The following FYN variants were observed in gnomAD, a reference collection of about 807,000 sequenced individuals.
FYN encodes tyrosine-protein kinase Fyn.
A neutral mutation model predicts 70.2 loss-of-function variants in FYN; 10 were observed. The observed-to-expected ratio is 0.14, with a 90% CI of 0.09 to 0.24. FYN has a LOEUF of 0.24. FYN is among the 10% of genes least tolerant of loss of function. The pLI is 1.00. For missense variants in FYN, 319 were observed against 673.1 expected (o/e 0.47, Z 5.82); for synonymous variants, 236 against 248.6 (o/e 0.95, Z 0.48).
At chr6:111,718,456 T>G (rs1298035979) in intron 4 of FYN, among the ~76,000 whole-genome samples, 1 of 152,178 alleles carries the variant, frequency 6.6e-6, no homozygotes, top group Non-Finnish European at 1.5e-5. Flanking sequence ...TCAACACAAG[T>G]GGCCCTCTCT....
intron 3 of FYN, among the ~76,000 whole-genome samples, chr6:111,773,323 GGAGGGA>G: frequency 1.2e-5 from 1 of 85,328 alleles, no homozygotes; most frequent in South Asian, 5.8e-4. Context: ...GAGGGGAGGG[GGAGGGA>G]GAGGGAAAGG....
intron 1 of FYN, among the ~76,000 whole-genome samples, chr6:111,856,741 C>T (rs867190735): frequency 2.6e-5 from 4 of 151,878 alleles, no homozygotes; most frequent in East Asian, 3.8e-4. Flanking sequence ...TTGGCTCCCC[C>T]CCGACACACA....
chr6:111,829,131 G>A (rs1009561190), intron 2 of FYN, among the ~76,000 whole-genome samples: 5 of 152,184 alleles, frequency 3.3e-5, no homozygotes, highest in African/African-American at 1.2e-4. Context: ...TAGAAAACAT[G>A]AAATCCTATT....
chr6:111,808,882 T>TA (rs1772237194), intron 2 of FYN, among the ~76,000 whole-genome samples: 1 of 152,230 alleles, frequency 6.6e-6, no homozygotes, highest in South Asian at 2.1e-4. Context: ...TCACAAATGT[T>TA]CTTATCAAAT....
chr6:111,728,187 A>G (rs138805002), intron 3 of FYN, among the ~76,000 whole-genome samples: 111 of 152,336 alleles, frequency 7.3e-4, no homozygotes, highest in African/African-American at 2.6e-3. Context: ...ATGGTGATGA[A>G]AACAAGGATG....
intron 2 of FYN, among the ~76,000 whole-genome samples, chr6:111,826,997 G>C (rs1772855443): frequency 6.6e-6 from 1 of 152,156 alleles, no homozygotes; most frequent in Non-Finnish European, 1.5e-5. Context: ...ATTTTGCACA[G>C]AATTTCCTGA....
intron 3 of FYN, among the ~76,000 whole-genome samples, chr6:111,751,085 T>C (rs994081366): frequency 2.6e-5 from 4 of 152,246 alleles, no homozygotes; most frequent in African/African-American, 7.2e-5. Flanking sequence ...CTATTGGCCT[T>C]TCCTTGGCAT....
intron 3 of FYN, among the ~76,000 whole-genome samples, chr6:111,769,766 C>T (rs1583426265): frequency 6.6e-6 from 1 of 151,882 alleles, no homozygotes; most frequent in East Asian, 1.9e-4. Context: ...TGAAAAATGC[C>T]AATGAATTAC....
intron 2 of FYN, among the ~76,000 whole-genome samples, chr6:111,839,257 C>T (rs776209130): frequency 6.6e-5 from 10 of 152,026 alleles, no homozygotes; most frequent in Non-Finnish European, 1.3e-4. Flanking sequence ...ATGAGCATGC[C>T]CCAGCTCATG....
intron 2 of FYN, among the ~76,000 whole-genome samples, chr6:111,782,460 G>A (rs1051682692): frequency 5.3e-5 from 8 of 152,004 alleles, no homozygotes; most frequent in African/African-American, 1.9e-4. Flanking sequence ...CATGTAGATG[G>A]GACACCTAAG....
intron 2 of FYN, among the ~76,000 whole-genome samples, chr6:111,827,684 G>T (rs1249089488): frequency 6.6e-6 from 1 of 152,082 alleles, no homozygotes; most frequent in Non-Finnish European, 1.5e-5. Flanking sequence ...CATCAACTTG[G>T]TTGAAAGTTT....
intron 3 of FYN, among the ~76,000 whole-genome samples, chr6:111,738,491 C>T (rs1801803855): frequency 6.6e-6 from 1 of 152,210 alleles, no homozygotes; most frequent in South Asian, 2.1e-4. Flanking sequence ...TGGGGAATTG[C>T]ACATCCATCG....
rs117613355 is a variant in FYN at position 111,868,279 on chromosome 6, T to G, written c.-123+4689A>C. On this transcript the variant is annotated intron_variant, in intron 1 of 13. Coordinates refer to ENST00000354650, the MANE Select transcript of FYN (RefSeq NM_002037.5). Reference sequence around the variant, plus strand: ...CTTCGGGACAGGATCACATCTCTTTTGCCTTGAACCATCGAATTAATTGTC... The same window carrying G: ...CTTCGGGACAGGATCACATCTCTTTGGCCTTGAACCATCGAATTAATTGTC... 7.7e-4 allele frequency among the ~76,000 whole-genome samples: 118 copies of G among 152,300 alleles called. 4 individuals carry two copies. The East Asian group carries it at 0.015, about 20-fold the overall frequency.
At chr6:111,841,997 A>G (rs1256662907) in intron 2 of FYN, among the ~76,000 whole-genome samples, 4 of 151,966 alleles carry the variant, frequency 2.6e-5, no homozygotes, top group Admixed American at 1.3e-4. Context: ...AAACACACAC[A>G]CACACACACA....
intron 9 of FYN, chr6:111,699,720 T>C: frequency 1.3e-6 from 2 of 1,543,826 alleles, no homozygotes; most frequent in Non-Finnish European, 8.9e-7. Context: ...TAATCCATAA[T>C]TATGCATGCA....
rs11379613 is a variant in FYN, at chr6:111,681,032, ATT to A, written c.1274-6404_1274-6403del. On this transcript the variant is annotated intron_variant, in intron 12 of 13. Transcript: ENST00000354650. ...CCTGGCTAATGTTTAATTTAATTTA[ATT>A]TTTTTTTTTTTTTGAGACAGTCTCA... is the stretch of plus-strand genomic sequence containing the variant. Among the ~76,000 whole-genome samples, 192 of 141,452 alleles carry A rather than the reference ATT, an allele frequency of 1.4e-3. 1 individual carries two copies. The highest frequency in any genetic ancestry group is 4.7e-3 in the African/African-American group (178 of 38,014). 92.8% of individuals were successfully genotyped at this position (141,452 alleles called of 152,430 possible).
At chr6:111,759,738 C>T (rs545402789) in intron 3 of FYN, 27 of 152,354 alleles carry the variant, frequency 1.8e-4, no homozygotes, top group African/African-American at 6.0e-4. Context: ...TATGTCTTGT[C>T]TCCCCACCTA....
intron 2 of FYN, among the ~76,000 whole-genome samples, chr6:111,788,113 C>T (rs188345383): frequency 1.4e-4 from 22 of 152,278 alleles, no homozygotes; most frequent in African/African-American, 5.1e-4. Context: ...AGCCAGCTCT[C>T]GTATAAATCC....
chr6:111,707,899 A>G, intron 6 of FYN, 23 bp downstream of exon 6: 1 of 1,565,258 alleles, frequency 6.4e-7, no homozygotes, highest in African/African-American at 1.3e-5. Context: ...CAAGTAGTTA[A>G]GTGAAAACAA....
Sources: gnomAD v4.1 joint callset for allele counts (sites outside exome capture counted in the v4.1 genomes callset) on GRCh38, gnomAD v4.1.1 for gene constraint, MANE v1.5 for transcripts, NCBI Gene and HGNC (gene_info 2026-07-23, HGNC 2026-07-21) for gene names.